Variants in RIMBP2 observed in about 807,000 individuals in gnomAD.
The protein encoded by RIMBP2 is RIMS-binding protein 2.
RIMBP2 carries 48 observed loss-of-function variants against 118.6 expected under a neutral mutation model. That is an observed-to-expected ratio of 0.40 (90% CI 0.32 to 0.51). RIMBP2 has a LOEUF of 0.51. Ranked by LOEUF, RIMBP2 falls within the 20% of genes least tolerant of loss-of-function variation. The pLI, the probability that RIMBP2 is intolerant of heterozygous loss-of-function variation, is 0.41. For synonymous variants in RIMBP2, 762 were observed against 742.9 expected (o/e 1.03, Z -0.42); for missense variants, 1,551 against 1,768.3 (o/e 0.88, Z 2.20).
intron 2 of RIMBP2, among the ~76,000 whole-genome samples, chr12:130,553,399 A>G (rs1297406425): frequency 6.6e-6 from 1 of 152,214 alleles, no homozygotes; most frequent in African/African-American, 2.4e-5. Flanking sequence ...TGTGAGCATA[A>G]TTATTATCAT....
Position 130,424,399 on chromosome 12 carries a change from G to A in RIMBP2, c.2872C>T (p.Leu958=), listed in dbSNP as rs1566009474. 1 of 1,232,750 alleles carries A rather than the reference G, an allele frequency of 8.1e-7. No individual in the cohort carries two copies. Among genetic ancestry groups the A allele is most frequent in the Non-Finnish European group, 1.0e-6 (1 of 988,216 alleles). The allele number at this position is 1,232,750 out of a possible 1,614,324, so 76.4% of individuals were successfully genotyped here. The change falls in exon 16 of 23, where the codon CTG becomes TTG. Residue 958 remains leucine (L), a synonymous_variant. Transcript: ENST00000690449. This position sits in a 1 kb window ranked among gnomAD's most constrained non-coding sequence, Gnocchi z 9.8. ...CGGGTCAGCGTCCGCCGCCGGGCCA[G>A]CAGCGGCCTCGGGCCCCTCCTGCAG... The part of the protein sequence containing the change: ...CPCRRGPRPL[L]ARRRTLTRQS...
chr12:130,445,061 T>G, intron 10 of RIMBP2, 99 bp downstream of exon 10: 1 of 725,868 alleles, frequency 1.4e-6, no homozygotes, highest in East Asian at 2.7e-5. Context: ...GCCAGGAGTA[T>G]GTTGGGAGCC....
At chr12:130,455,047 G>A (rs552897699) in intron 7 of RIMBP2, among the ~76,000 whole-genome samples, 41 of 151,672 alleles carry the variant, frequency 2.7e-4, no homozygotes, top group Non-Finnish European at 4.4e-4. Flanking sequence ...CACGGTGCCC[G>A]CGCAAGCAGC....
chr12:130,677,644 A>C (rs1003775860), intron 1 of RIMBP2, among the ~76,000 whole-genome samples: 9 of 152,074 alleles, frequency 5.9e-5, no homozygotes, highest in Non-Finnish European at 1.0e-4. Flanking sequence ...AACAAACAAA[A>C]AAAAGATTAC....
rs1178346227 is a variant in RIMBP2, at chr12:130,525,916, G to A, written c.-216-7999C>T. Reference sequence around the variant, plus strand: ...TCAAGGAGGTTAAGTAACTGAGCGAGCAGCCTCCCCCGAGCATGTGGAGGG... The same window carrying A: ...TCAAGGAGGTTAAGTAACTGAGCGAACAGCCTCCCCCGAGCATGTGGAGGG... On this transcript the variant is annotated intron_variant, in intron 2 of 22. Coordinates refer to ENST00000690449, the MANE Select transcript of RIMBP2 (RefSeq NM_001393629.1). This position sits in a 1 kb window ranked among gnomAD's most constrained non-coding sequence, Gnocchi z 4.4. 6.6e-6 allele frequency among the ~76,000 whole-genome samples: 1 copy of A among 152,136 alleles called. No homozygotes were observed. Among genetic ancestry groups the A allele is most frequent in the East Asian group, 1.9e-4 (1 of 5,168 alleles).
chr12:130,440,587 G>A (rs189806658), intron 11 of RIMBP2, among the ~76,000 whole-genome samples: 4 of 152,316 alleles, frequency 2.6e-5, no homozygotes, highest in East Asian at 3.9e-4. Flanking sequence ...CGGAGTGCCC[G>A]TGTCTGGTGT....
intron 1 of RIMBP2, among the ~76,000 whole-genome samples, chr12:130,655,340 A>T (rs534592793): frequency 6.6e-6 from 1 of 152,364 alleles, no homozygotes; most frequent in African/African-American, 2.4e-5. Flanking sequence ...GTGAGAATGC[A>T]AACTCTGTAA....
intron 2 of RIMBP2, among the ~76,000 whole-genome samples, chr12:130,601,289 C>T (rs1343042196): frequency 7.0e-6 from 1 of 142,294 alleles, no homozygotes; most frequent in African/African-American, 2.7e-5. Context: ...TGCCTAAAAG[C>T]CACGGGCTGC....
intron 21 of RIMBP2, among the ~76,000 whole-genome samples, chr12:130,404,258 A>T (rs575561993): frequency 6.6e-6 from 1 of 152,240 alleles, no homozygotes; most frequent in South Asian, 2.1e-4. Context: ...AATATATGCT[A>T]GGGGGAAAAA....
At chr12:130,663,594 C>T (rs2063748983) in intron 1 of RIMBP2, among the ~76,000 whole-genome samples, 4 of 151,694 alleles carry the variant, frequency 2.6e-5, no homozygotes, top group African/African-American at 9.8e-5. Flanking sequence ...TCAACTTCAC[C>T]TGTAAGAAGA....
chr12:130,618,902 G>A (rs2061127154), intron 2 of RIMBP2, among the ~76,000 whole-genome samples: 1 of 152,112 alleles, frequency 6.6e-6, no homozygotes, highest in Non-Finnish European at 1.5e-5. Context: ...AGAAGGGATG[G>A]AGGGAGGAAG....
intron 1 of RIMBP2, among the ~76,000 whole-genome samples, chr12:130,649,899 C>T (rs189714588): frequency 6.6e-6 from 1 of 152,250 alleles, no homozygotes; most frequent in African/African-American, 2.4e-5. Flanking sequence ...GAAGCTGCCC[C>T]ACCTCCCTTC....
At chr12:130,522,091 CA>C (rs1566189969) in intron 2 of RIMBP2, among the ~76,000 whole-genome samples, 4 of 152,204 alleles carry the variant, frequency 2.6e-5, no homozygotes, top group African/African-American at 9.6e-5. Context: ...CCTAGGGCCA[CA>C]TGTCCCTGAA....
chr12:130,492,901 G>A (rs929973886), intron 4 of RIMBP2, among the ~76,000 whole-genome samples: 5 of 152,210 alleles, frequency 3.3e-5, no homozygotes, highest in Non-Finnish European at 5.9e-5. Context: ...AGGCCGAGGC[G>A]GGTGGATTGC....
chr12:130,438,442 G>A lies in RIMBP2; in HGVS notation c.1579C>T (p.Pro527Ser). 1.2e-6 allele frequency: 2 copies of A among 1,613,606 alleles called. No individual in the cohort carries two copies. Among genetic ancestry groups the A allele is most frequent in the Non-Finnish European group, 8.5e-7 (1 of 1,179,864 alleles). ...TPATIRVSWRPPVLTPTGLSN... is the reference protein window; with the variant it reads ...TPATIRVSWRSPVLTPTGLSN... ...AGCCCGGTGGGCGTCAGCACAGGTG[G>A]TCTCCAGGAGACCCGGATGGTGGCG... Residue 527 changes from proline (P) to serine (S), a missense_variant, in exon 12 of 23, where the codon CCA (proline) becomes TCA (serine). Pro to Ser is a moderately conservative substitution (Grantham distance 74, BLOSUM62 -1). This residue lies in a region of RIMBP2 where 1,038 missense variants were observed against 1,125.1 expected (regional missense o/e 0.92). Coordinates refer to ENST00000690449, the MANE Select transcript of RIMBP2 (RefSeq NM_001393629.1).
At chr12:130,439,567 G>A (rs1373677399) in intron 11 of RIMBP2, among the ~76,000 whole-genome samples, 1 of 135,854 alleles carries the variant, frequency 7.4e-6, no homozygotes, top group African/African-American at 2.8e-5. Context: ...GTCCATGGGT[G>A]TATGTGGGTC....
chr12:130,670,309 C>T lies in RIMBP2; in HGVS notation c.-351-41853G>A, dbSNP rs2064140233. On this transcript the variant is annotated intron_variant, in intron 1 of 22. Transcript: ENST00000690449. This position sits in a 1 kb window ranked among gnomAD's most constrained non-coding sequence, Gnocchi z 4.9. Reference sequence around the variant, plus strand: ...TAGGACTCTATATTTATGGTGATTTCTTACTGATGGACGTTCTAGGAAGGC... The same window carrying T: ...TAGGACTCTATATTTATGGTGATTTTTTACTGATGGACGTTCTAGGAAGGC... Among the ~76,000 whole-genome samples, 1 of 152,136 alleles carries T rather than the reference C, an allele frequency of 6.6e-6. No individual in the cohort carries two copies.
chr12:130,626,152 A>G (rs2061606195), intron 2 of RIMBP2, among the ~76,000 whole-genome samples: 1 of 152,232 alleles, frequency 6.6e-6, no homozygotes. Flanking sequence ...GAAACAAATG[A>G]TTACCAAGTG....
Position 130,703,122 on chromosome 12 carries a change from G to A in RIMBP2, c.-352+13100C>T, listed in dbSNP as rs1055137873. ...CAGGTCACTGCAGCAGGCCAGGGGTGGGATTCTTTGCCTGGCAGTTGGAGA... is the reference window on the plus strand; with the variant it reads ...CAGGTCACTGCAGCAGGCCAGGGGTAGGATTCTTTGCCTGGCAGTTGGAGA... On this transcript the variant is annotated intron_variant, in intron 1 of 22. Coordinates refer to ENST00000690449, the MANE Select transcript of RIMBP2 (RefSeq NM_001393629.1). This position sits in a 1 kb window ranked among gnomAD's most constrained non-coding sequence, Gnocchi z 5.7. 6.6e-6 allele frequency among the ~76,000 whole-genome samples: 1 copy of A among 152,270 alleles called. No individual in the cohort carries two copies. Among genetic ancestry groups the A allele is most frequent in the South Asian group, 2.1e-4 (1 of 4,822 alleles).
Sources: gnomAD v4.1 joint callset for allele counts (sites outside exome capture counted in the v4.1 genomes callset) on GRCh38, gnomAD v4.1.1 for gene constraint, gnomAD v4.1.1 regional missense constraint, Gnocchi (gnomAD v3.1) non-coding constraint, MANE v1.5 for transcripts, NCBI Gene and HGNC (gene_info 2026-07-23, HGNC 2026-07-21) for gene names.